BTBD3: variants seen among roughly 807,000 people sequenced by gnomAD.
BTBD3 encodes BTB domain containing 3, also known as BTB/POZ domain-containing protein 3.
A neutral mutation model predicts 41.6 loss-of-function variants in BTBD3; 14 were observed. The observed-to-expected ratio is 0.34, with a 90% CI of 0.22 to 0.53. The LOEUF is 0.53. Ranked by LOEUF, BTBD3 falls within the 20% of genes least tolerant of loss-of-function variation. The probability of loss-of-function intolerance (pLI) is 0.95; values close to 1 mark genes in which losing one functional copy is unlikely to be tolerated. For synonymous variants in BTBD3, 249 were observed against 233.7 expected, an observed-to-expected ratio of 1.07 and a Z score of -0.60; for missense variants, 426 against 654.7, an observed-to-expected ratio of 0.65 and a Z score of 3.81.
chr20:11,890,857 G>C, exon 1 of BTBD3: 1 of 985,246 alleles, frequency 1.0e-6, no homozygotes, highest in Non-Finnish European at 1.2e-6. Flanking sequence ...AGCCCGCCGG[G>C]CGCTGGATCT....
chr20:11,900,736 G>A (rs1040499698), intron 1 of BTBD3, among the ~76,000 whole-genome samples: 11 of 141,672 alleles, frequency 7.8e-5, no homozygotes, highest in Admixed American at 1.4e-4. Context: ...GAGACAGAGT[G>A]TGGCTCTGTC....
upstream of BTBD3, among the ~76,000 whole-genome samples, chr20:11,915,287 A>G (rs184933038): frequency 1.4e-4 from 22 of 152,248 alleles, no homozygotes; most frequent in East Asian, 4.3e-3. Flanking sequence ...GCACACCTCA[A>G]TCCTAGAATT....
At position 11,919,162 on chromosome 20, in the gene BTBD3, T is replaced by C; in HGVS notation, c.403T>C (p.Leu135=). 1 of 1,613,728 alleles carries C rather than the reference T, an allele frequency of 6.2e-7. No individual in the cohort carries two copies. Among genetic ancestry groups the C allele is most frequent in the Admixed American group, 1.7e-5 (1 of 60,002 alleles). ...VVGPPGGTQR[L]PGHKYVLAVG... The stretch of plus-strand genomic sequence containing the variant: ...TGGGCCACCAGGTGGGACTCAACGG[T>C]TGCCAGGACACAAAGTAAGCAACAG... Residue 135 remains leucine (L), a synonymous_variant, in exon 2 of 4, where the codon TTG becomes CTG. Transcript: ENST00000378226.
At position 11,922,781 on chromosome 20, in the gene BTBD3, C is replaced by T; in HGVS notation, c.684C>T (p.Leu228=). 6.2e-7 allele frequency: 1 copy of T among 1,614,232 alleles called. No individual in the cohort carries two copies. The highest frequency in any genetic ancestry group is 8.5e-7 in the Non-Finnish European group (1 of 1,180,042). ...TSLSAKNACV[L]LSQSCLFEEP... The stretch of plus-strand genomic sequence containing the variant: ...TGAGTGCCAAGAATGCCTGTGTGCT[C>T]CTCTCCCAGAGCTGCCTGTTCGAGG... Residue 228 remains leucine, a synonymous_variant, in exon 4 of 4, where the codon CTC becomes CTT. Coordinates refer to ENST00000378226, the MANE Select transcript of BTBD3 (RefSeq NM_014962.4).
chr20:11,902,907 A>G (rs2056832215), intron 1 of BTBD3, among the ~76,000 whole-genome samples: 1 of 152,192 alleles, frequency 6.6e-6, no homozygotes, highest in Admixed American at 6.5e-5. Flanking sequence ...AAACTTAAAA[A>G]AATTTCAATA....
chr20:11,919,948 A>G, intron 3 of BTBD3, 112 bp downstream of exon 3: 2 of 903,446 alleles, frequency 2.2e-6, no homozygotes, highest in South Asian at 2.8e-5. Context: ...TGATGAAGAA[A>G]GAGGGTGCTG....
rs2122340287 is a variant in BTBD3 at position 11,923,444 on chromosome 20, T to A, written c.1347T>A (p.Asn449Lys). The A allele has an allele frequency of 6.2e-7, 1 of 1,614,210 alleles. No homozygotes were observed. Among genetic ancestry groups the A allele is most frequent in the East Asian group, 2.2e-5 (1 of 44,874 alleles). Residue 449 changes from asparagine to lysine, a missense_variant, in exon 4 of 4, where the codon AAT (asparagine) becomes AAA (lysine). This residue lies in a region of BTBD3 where 321 missense variants were observed against 534.8 expected (regional missense o/e 0.60). Coordinates refer to ENST00000378226, the MANE Select transcript of BTBD3 (RefSeq NM_014962.4). This position sits in a 1 kb window ranked among gnomAD's most constrained non-coding sequence, Gnocchi z 5.3. ...LSKYFSDGSSNTFPVWFEYPV... is the reference protein window; with the variant it reads ...LSKYFSDGSSKTFPVWFEYPV... ...AGTACTTCTCAGATGGGTCCAGCAA[T>A]ACCTTTCCCGTATGGTTTGAATACC...
At chr20:11,890,820 G>A (rs908842081) in exon 1 of BTBD3, 56 of 985,226 alleles carry the variant, frequency 5.7e-5, no homozygotes, top group African/African-American at 7.0e-5. Context: ...CTCCCGCAGA[G>A]CGTGCCCTGC....
chr20:11,901,886 AGT>A (rs781123393), intron 1 of BTBD3, among the ~76,000 whole-genome samples: 1 of 152,200 alleles, frequency 6.6e-6, no homozygotes, highest in Non-Finnish European at 1.5e-5. Context: ...ATAGTTACTG[AGT>A]GTGAAGTAGT....
chr20:11,898,334 T>G (rs1053356067), intron 1 of BTBD3, among the ~76,000 whole-genome samples: 1 of 152,058 alleles, frequency 6.6e-6, no homozygotes, highest in Non-Finnish European at 1.5e-5. Context: ...GCACTGGACT[T>G]TTTCCTCTGC....
chr20:11,925,843 C>T lies in BTBD3; in HGVS notation c.*2177C>T, dbSNP rs546101519. ...GTCAGTGCCCATGTTTGCTAGCTGC[C>T]TCCATGTGACTAGTGAGCTGCTGGT... is the stretch of plus-strand genomic sequence containing the variant. On this transcript the variant is annotated 3_prime_UTR_variant, in exon 4 of 4. Coordinates refer to ENST00000378226, the MANE Select transcript of BTBD3 (RefSeq NM_014962.4). 14 of 152,672 alleles carry T rather than the reference C, an allele frequency of 9.2e-5. No homozygotes were observed. Among genetic ancestry groups the T allele is most frequent in the African/African-American group, 3.4e-4 (14 of 41,546 alleles). The allele number at this position is 152,672 out of a possible 1,614,324, so 9.5% of individuals were successfully genotyped here.
intron 1 of BTBD3, among the ~76,000 whole-genome samples, chr20:11,907,707 T>A (rs2056863956): frequency 6.6e-6 from 1 of 152,156 alleles, no homozygotes; most frequent in Non-Finnish European, 1.5e-5. Context: ...GGTAGGCTTT[T>A]TATACGTAGG....
At position 11,919,547 on chromosome 20, in the gene BTBD3, G is replaced by A. The variant is rs2056947717; in HGVS notation, c.418-171G>A. The A allele has an allele frequency of 4.5e-6, 5 of 1,121,874 alleles. No homozygotes were observed. The East Asian group carries it at 1.3e-4, about 29-fold the overall frequency. The allele number at this position is 1,121,874 out of a possible 1,614,324, so 69.5% of individuals were successfully genotyped here. On this transcript the variant is annotated intron_variant, in intron 2 of 3. Transcript: ENST00000378226. ...AAAGCTTTGAAATAATTAGCAGCAT[G>A]GTCTTATGCTTCCATGGCAAGCTAC...
At chr20:11,915,931 G>A (rs2056915383), upstream of BTBD3, among the ~76,000 whole-genome samples, 2 of 152,206 alleles carry the variant, frequency 1.3e-5, no homozygotes, top group South Asian at 2.1e-4. Flanking sequence ...ACTTAGTGGT[G>A]TAAGAGCCAT....
rs928606612 is a variant in BTBD3 at position 11,917,910 on chromosome 20, G to A, written c.-366G>A. ...ATCCATTCACCACACAACTTCAGCC[G>A]GCTGAACAGACTCACGCAGCTCCAG... is the stretch of plus-strand genomic sequence containing the variant. On this transcript the variant is annotated 5_prime_UTR_variant, in exon 1 of 4. Transcript: ENST00000378226. 3.3e-5 allele frequency: 33 copies of A among 1,011,070 alleles called. No individual in the cohort carries two copies. The highest frequency in any genetic ancestry group is 3.9e-5 in the Non-Finnish European group (33 of 845,252). 62.6% of individuals were successfully genotyped at this position (1,011,070 alleles called of 1,614,324 possible).
intron 1 of BTBD3, among the ~76,000 whole-genome samples, chr20:11,896,378 T>C (rs947158830): frequency 6.6e-6 from 1 of 152,220 alleles, no homozygotes; most frequent in African/African-American, 2.4e-5. Context: ...TGCAGTTTAT[T>C]TTTGTATGTT....
rs144923898 is a variant in BTBD3 at position 11,912,517 on chromosome 20, C to G, written c.-125-5817C>G. On this transcript the variant is annotated intron_variant, in intron 1 of 4. Coordinates refer to the BTBD3 transcript ENST00000254977. ...GGACCTGCTTGGCCCATAGGTGGGG[C>G]TAGAGGAAGCCTGCAGATAGGATGA... 3.2e-4 allele frequency among the ~76,000 whole-genome samples: 48 copies of G among 152,222 alleles called. No individual in the cohort carries two copies. In the East Asian group the frequency reaches 5.6e-3, roughly 18 times the overall value.
At chr20:11,902,911 T>C (rs948705634) in intron 1 of BTBD3, among the ~76,000 whole-genome samples, 4 of 152,146 alleles carry the variant, frequency 2.6e-5, no homozygotes, top group Non-Finnish European at 4.4e-5. Context: ...TTAAAAAAAT[T>C]TCAATATATC....
chr20:11,913,807 G>T (rs544635627), upstream of BTBD3: 1 of 152,326 alleles, frequency 6.6e-6, no homozygotes, highest in Non-Finnish European at 1.5e-5. Flanking sequence ...TTCCAGTGGT[G>T]AAAAGGATGA....
Sources: allele counts gnomAD v4.1 joint callset (sites outside exome capture counted in the v4.1 genomes callset), GRCh38; gene constraint gnomAD v4.1.1; regional missense constraint gnomAD v4.1.1; non-coding constraint Gnocchi (gnomAD v3.1); transcripts MANE v1.5; gene names NCBI Gene and HGNC (gene_info 2026-07-23, HGNC 2026-07-21).